DRG1: variants seen among roughly 807,000 people sequenced by gnomAD.
DRG1 encodes developmentally-regulated GTP-binding protein 1.
In DRG1, 19 loss-of-function variants were observed where a neutral mutation model predicts 38.8. The observed-to-expected ratio is 0.49, with a 90% CI of 0.34 to 0.72. The LOEUF is 0.72. DRG1 is among the 30% of genes least tolerant of loss of function. The pLI, the probability that DRG1 is intolerant of heterozygous loss-of-function variation, is 0.01. For missense variants in DRG1, 299 were observed against 444.8 expected, an observed-to-expected ratio of 0.67 and a Z score of 2.95; for synonymous variants, 167 against 157.5, an observed-to-expected ratio of 1.06 and a Z score of -0.45.
chr22:31,431,309 C>T (rs1569052921), intron 8 of DRG1, among the ~76,000 whole-genome samples: 1 of 152,048 alleles, frequency 6.6e-6, no homozygotes. Context: ...GTTGGGATTA[C>T]AGGCGTGAGC....
At chr22:31,406,407 A>G (rs1482808650) in intron 3 of DRG1, among the ~76,000 whole-genome samples, 1 of 152,148 alleles carries the variant, frequency 6.6e-6, no homozygotes, top group Non-Finnish European at 1.5e-5. Context: ...GGCTTCTTTC[A>G]TTCTGCATAA....
intron 1 of DRG1, among the ~76,000 whole-genome samples, 187 bp downstream of exon 1, chr22:31,399,912 C>G (rs2049951382): frequency 6.6e-6 from 1 of 152,066 alleles, no homozygotes; most frequent in South Asian, 2.1e-4. Flanking sequence ...AGTCAGGGCC[C>G]CCTTTCCCCT....
intron 3 of DRG1, among the ~76,000 whole-genome samples, chr22:31,403,730 C>T (rs905968795): frequency 6.6e-6 from 1 of 151,958 alleles, no homozygotes; most frequent in African/African-American, 2.4e-5. Flanking sequence ...GATCCGCCCG[C>T]GTTGGCCTCC....
At chr22:31,423,035 A>T (rs1022698620) in intron 5 of DRG1, among the ~76,000 whole-genome samples, 5 of 152,182 alleles carry the variant, frequency 3.3e-5, no homozygotes, top group Non-Finnish European at 7.3e-5. Flanking sequence ...ACATTCTGAG[A>T]TACTGAGGTT....
rs372906460 is a variant in DRG1, at chr22:31,399,638, G to A, written c.-46G>A. The A allele has an allele frequency of 6.0e-5, 97 of 1,613,790 alleles. No homozygotes were observed. The Middle Eastern group carries it at 2.5e-3, about 41-fold the overall frequency. ...TGGTGGCGGTGGCAGTTTGCCCGCG[G>A]GTGTGTGAAGGGAGACAGTGTGGAG... On this transcript the variant is annotated 5_prime_UTR_variant, in exon 1 of 9. Coordinates refer to ENST00000331457, the MANE Select transcript of DRG1 (RefSeq NM_004147.4).
chr22:31,419,500 AT>A (rs1327360102), intron 4 of DRG1, among the ~76,000 whole-genome samples: 2 of 152,008 alleles, frequency 1.3e-5, no homozygotes, highest in Non-Finnish European at 2.9e-5. Context: ...AAAATAATAT[AT>A]TTTATATGAT....
intron 8 of DRG1, among the ~76,000 whole-genome samples, chr22:31,432,104 T>G (rs983405061): frequency 2.0e-5 from 3 of 151,842 alleles, no homozygotes; most frequent in Non-Finnish European, 2.9e-5. Flanking sequence ...GATAGGGTCT[T>G]GTTCTGTTGC....
intron 1 of DRG1, 67 bp from the exon 2 acceptor site, chr22:31,400,553 T>C (rs1206101777): frequency 2.5e-6 from 4 of 1,581,472 alleles, no homozygotes; most frequent in Non-Finnish European, 3.4e-6. Flanking sequence ...GGGAAAAAAA[T>C]TATCCTCTCA....
At chr22:31,408,677 TG>T (rs1305381904) in intron 3 of DRG1, among the ~76,000 whole-genome samples, 3 of 142,060 alleles carry the variant, frequency 2.1e-5, no homozygotes, top group Non-Finnish European at 4.5e-5. Context: ...CGCTTGAACC[TG>T]GGAGGCGGAC....
At chr22:31,412,340 TTTTC>T (rs201553235) in intron 4 of DRG1, among the ~76,000 whole-genome samples, 3,904 of 149,762 alleles carry the variant, frequency 0.026, 75 homozygotes, top group Non-Finnish European at 0.041. Context: ...CTTTGTTTTA[TTTTC>T]TTTCTTTCTT....
chr22:31,426,398 G>A, intron 6 of DRG1: 1 of 450,934 alleles, frequency 2.2e-6, no homozygotes, highest in East Asian at 3.6e-5. Context: ...TGCTTTCCTA[G>A]CAGTTAGCTT....
chr22:31,415,110 G>A (rs1318870602), intron 4 of DRG1, among the ~76,000 whole-genome samples: 1 of 152,056 alleles, frequency 6.6e-6, no homozygotes, highest in Non-Finnish European at 1.5e-5. Context: ...GTAGAATCTC[G>A]ATATATTGCC....
At position 31,400,693 on chromosome 22, in the gene DRG1, G is replaced by A. The variant is rs1189074639; in HGVS notation, c.116G>A (p.Arg39His). The change falls in exon 2 of 9, where the codon CGT becomes CAT. Residue 39 changes from arginine (R) to histidine (H), a missense_variant. Arg to His is a conservative substitution (Grantham distance 29). This residue lies in a region of DRG1 where 51 missense variants were observed against 56.1 expected (regional missense o/e 0.91). Transcript: ENST00000331457. ...CTTAAGGCTCGTCTTGCTAAGCTTC[G>A]TCGAGAACTCATTACTCCAAAGGGT... is the stretch of plus-strand genomic sequence containing the variant. ...GLLKARLAKL[R>H]RELITPKGGG... 2 of 1,613,390 alleles carry A rather than the reference G, an allele frequency of 1.2e-6. No homozygotes were observed. Among genetic ancestry groups the A allele is most frequent in the Non-Finnish European group, 8.5e-7 (1 of 1,179,582 alleles).
At chr22:31,417,941 C>G (rs962280199) in intron 4 of DRG1, among the ~76,000 whole-genome samples, 1 of 148,244 alleles carries the variant, frequency 6.7e-6, no homozygotes, top group Non-Finnish European at 1.5e-5. Flanking sequence ...GAGCTGAGGT[C>G]GCACCAATGC....
rs539328480 is a variant in DRG1, at chr22:31,412,352, C to CTT, written c.412+1286_412+1287dup. Among the ~76,000 whole-genome samples the CTT allele has an allele frequency of 3.9e-4, 50 of 127,282 alleles. 1 individual carries two copies. The highest frequency in any genetic ancestry group is 5.0e-4 in the Non-Finnish European group (29 of 58,246). The allele number at this position is 127,282 out of a possible 152,430, so 83.5% of individuals were successfully genotyped here. ...TTTCTTTGTTTTATTTTCTTTCTTTCTTTTTTTTTTTTTTTTGAGATGGAG... is the reference window on the plus strand; with the variant it reads ...TTTCTTTGTTTTATTTTCTTTCTTTCTTTTTTTTTTTTTTTTTTGAGATGGAG... On this transcript the variant is annotated intron_variant, in intron 4 of 8. Coordinates refer to ENST00000331457, the MANE Select transcript of DRG1 (RefSeq NM_004147.4).
intron 5 of DRG1, among the ~76,000 whole-genome samples, chr22:31,421,599 C>T (rs1000649504): frequency 6.6e-6 from 1 of 152,094 alleles, no homozygotes; most frequent in African/African-American, 2.4e-5. Context: ...CATGGTGGCT[C>T]ATGCCTGTAC....
At chr22:31,410,718 G>A (rs567138657) in intron 3 of DRG1, among the ~76,000 whole-genome samples, 1 of 152,148 alleles carries the variant, frequency 6.6e-6, no homozygotes, top group East Asian at 1.9e-4. Context: ...GAGAGGCTGA[G>A]GCAGGAGAAT....
In DRG1 at chr22:31,403,050, G is replaced by A; in HGVS notation, c.188G>A (p.Gly63Asp). Reference protein sequence around the residue: ...PGEGFDVAKTGDARIGFVGFP... With the variant: ...PGEGFDVAKTDDARIGFVGFP... The stretch of plus-strand genomic sequence containing the variant: ...TTAGGTTTTGATGTGGCCAAGACAG[G>A]TGATGCTCGAATTGGATTTGTTGGT... Residue 63 changes from glycine to aspartate, a missense_variant, in exon 3 of 9, where the codon GGT becomes GAT. This residue lies in a region of DRG1 where 50 missense variants were observed against 120.6 expected (regional missense o/e 0.41). Coordinates refer to ENST00000331457, the MANE Select transcript of DRG1 (RefSeq NM_004147.4). 1 of 1,612,858 alleles carries A rather than the reference G, an allele frequency of 6.2e-7. No homozygotes were observed. The highest frequency in any genetic ancestry group is 1.3e-5 in the African/African-American group (1 of 74,996).
intron 2 of DRG1, 72 bp downstream of exon 2, chr22:31,400,815 A>G: frequency 3.9e-6 from 6 of 1,522,418 alleles, no homozygotes; most frequent in Non-Finnish European, 5.3e-6. Context: ...ATGTGGTTTA[A>G]AAATAACTAA....
Sources: allele counts gnomAD v4.1 joint callset (sites outside exome capture counted in the v4.1 genomes callset), GRCh38; gene constraint gnomAD v4.1.1; regional missense constraint gnomAD v4.1.1; transcripts MANE v1.5; gene names NCBI Gene and HGNC (gene_info 2026-07-23, HGNC 2026-07-21).